The following PPM1L variants were observed in gnomAD, a reference collection of about 807,000 sequenced individuals.
PPM1L encodes protein phosphatase, Mg2+/Mn2+ dependent 1L, also known as protein phosphatase 1L.
In PPM1L, 13 loss-of-function variants were observed where a neutral mutation model predicts 31.4. The ratio of observed to expected loss-of-function variants is 0.41; its 90% CI spans 0.27 to 0.66. The LOEUF (loss-of-function observed/expected upper bound fraction) is 0.66, where lower values mean the gene tolerates loss of function less well. PPM1L is among the 30% of genes least tolerant of loss of function. The probability of loss-of-function intolerance (pLI) is 0.29; values close to 1 mark genes in which losing one functional copy is unlikely to be tolerated. For missense variants in PPM1L, 326 were observed against 453.7 expected, an observed-to-expected ratio of 0.72 and a Z score of 2.56; for synonymous variants, 184 against 175.4, an observed-to-expected ratio of 1.05 and a Z score of -0.39.
chr3:160,770,379 T>A (rs1472904867), intron 1 of PPM1L, among the ~76,000 whole-genome samples: 2 of 152,208 alleles, frequency 1.3e-5, no homozygotes, highest in Non-Finnish European at 2.9e-5. Context: ...AAAAATGCCT[T>A]CAGTTTATGG....
intron 1 of PPM1L, among the ~76,000 whole-genome samples, chr3:160,896,983 G>A (rs1220184448): frequency 1.3e-5 from 2 of 150,966 alleles, no homozygotes; most frequent in East Asian, 3.9e-4. Flanking sequence ...ACCTCTTACA[G>A]CTATAGTGAT....
At chr3:160,842,265 A>G in intron 1 of PPM1L, 1 of 702,624 alleles carries the variant, frequency 1.4e-6, no homozygotes, top group East Asian at 2.7e-5. Context: ...AGAGAGGGCT[A>G]GACCAGAACA....
At chr3:160,955,656 T>G (rs1715747525) in intron 1 of PPM1L, among the ~76,000 whole-genome samples, 1 of 140,924 alleles carries the variant, frequency 7.1e-6, no homozygotes, top group African/African-American at 2.9e-5. Context: ...CAAGTTTTCT[T>G]TTTTTTTTTT....
chr3:160,915,345 T>TTAC (rs1230176547), intron 1 of PPM1L, among the ~76,000 whole-genome samples: 1 of 152,068 alleles, frequency 6.6e-6, no homozygotes, highest in East Asian at 1.9e-4. Flanking sequence ...GGAATCCAAC[T>TTAC]TACAAGGGAC....
chr3:160,905,376 G>T (rs1169887915), intron 1 of PPM1L, among the ~76,000 whole-genome samples: 1 of 152,100 alleles, frequency 6.6e-6, no homozygotes, highest in Admixed American at 6.5e-5. Context: ...ATTCTTACAG[G>T]TTGACACTGA....
chr3:161,032,418 C>T (rs1331264929), intron 2 of PPM1L, among the ~76,000 whole-genome samples: 2 of 152,218 alleles, frequency 1.3e-5, no homozygotes, highest in East Asian at 1.9e-4. Flanking sequence ...GGAAGGCTTT[C>T]TTACTTACAT....
intron 2 of PPM1L, among the ~76,000 whole-genome samples, chr3:160,977,015 C>T (rs1576756917): frequency 1.3e-5 from 2 of 152,086 alleles, no homozygotes; most frequent in South Asian, 2.1e-4. Context: ...GCATTTAGTG[C>T]TATAAATTTC....
chr3:161,025,503 T>C (rs1160046227), intron 2 of PPM1L, among the ~76,000 whole-genome samples: 2 of 151,934 alleles, frequency 1.3e-5, no homozygotes, highest in Non-Finnish European at 2.9e-5. Context: ...GTTAAGGAGT[T>C]CGTGGCTTCA....
At chr3:160,814,518 T>TATGTATGTATGTGTATATATAC (rs1712908706) in intron 1 of PPM1L, among the ~76,000 whole-genome samples, 5 of 78,582 alleles carry the variant, frequency 6.4e-5, no homozygotes, top group East Asian at 4.5e-4. Context: ...TGTATATATA[T>TATGTATGTATGTGTATATATAC]ACACACACAT....
intron 1 of PPM1L, among the ~76,000 whole-genome samples, chr3:160,805,743 T>A (rs6794047): frequency 1.3e-5 from 2 of 151,800 alleles, no homozygotes; most frequent in Non-Finnish European, 2.9e-5. Context: ...AAAATAAAAA[T>A]GAACTTGAAT....
At chr3:161,049,877 A>G (rs1331317392) in intron 2 of PPM1L, among the ~76,000 whole-genome samples, 2 of 152,204 alleles carry the variant, frequency 1.3e-5, no homozygotes, top group African/African-American at 4.8e-5. Context: ...TGCCCATAGC[A>G]GAAACAGACT....
At chr3:160,950,715 C>G (rs1715553233) in intron 1 of PPM1L, among the ~76,000 whole-genome samples, 1 of 152,210 alleles carries the variant, frequency 6.6e-6, no homozygotes, top group African/African-American at 2.4e-5. Flanking sequence ...ACAGTTTTAT[C>G]TGACCATGTT....
At chr3:160,920,586 T>TTCTCTCTCTCTC (rs3063236) in intron 1 of PPM1L, among the ~76,000 whole-genome samples, 152 of 120,334 alleles carry the variant, frequency 1.3e-3, no homozygotes, top group African/African-American at 2.5e-3. Context: ...TGCATTTAGT[T>TTCTCTCTCTCTC]TCTCTCTCTC....
chr3:160,764,247 T>A (rs2108056623), intron 1 of PPM1L, among the ~76,000 whole-genome samples: 1 of 152,306 alleles, frequency 6.6e-6, no homozygotes, highest in East Asian at 1.9e-4. Flanking sequence ...TCTTCCTGCC[T>A]CAGCCTCATG....
chr3:160,854,531 A>G (rs62270266), intron 1 of PPM1L, among the ~76,000 whole-genome samples: 6,560 of 152,178 alleles, frequency 0.043, 193 homozygotes, highest in Middle Eastern at 0.13. Context: ...AATCGGTAGC[A>G]TTTCTATATA....
chr3:160,849,897 CA>C (rs2108111999), intron 1 of PPM1L, among the ~76,000 whole-genome samples: 1 of 152,298 alleles, frequency 6.6e-6, no homozygotes, highest in South Asian at 2.1e-4. Context: ...TCCATACACT[CA>C]CACCCAACAC....
chr3:161,066,763 C>G (rs1217528440), intron 3 of PPM1L, among the ~76,000 whole-genome samples: 1 of 152,156 alleles, frequency 6.6e-6, no homozygotes, highest in African/African-American at 2.4e-5. Context: ...CTGGGTTAAT[C>G]TGCACATTGA....
chr3:160,907,140 T>C (rs1242954834), intron 1 of PPM1L, among the ~76,000 whole-genome samples: 1 of 152,148 alleles, frequency 6.6e-6, no homozygotes, highest in East Asian at 1.9e-4. Flanking sequence ...TGATACATAC[T>C]TTAAAGCAAC....
intron 2 of PPM1L, among the ~76,000 whole-genome samples, chr3:160,989,921 T>C (rs544630354): frequency 6.6e-6 from 1 of 152,274 alleles, no homozygotes; most frequent in Non-Finnish European, 1.5e-5. Flanking sequence ...TGCCTTGGCC[T>C]CCCAAAGTTC....
Sources: allele counts gnomAD v4.1 joint callset (sites outside exome capture counted in the v4.1 genomes callset), GRCh38; gene constraint gnomAD v4.1.1; transcripts MANE v1.5; gene names NCBI Gene and HGNC (gene_info 2026-07-23, HGNC 2026-07-21).